UVRAG: variants seen among roughly 807,000 people sequenced by gnomAD.
UVRAG encodes UV radiation resistance associated.
Under a neutral mutation model 78.0 loss-of-function variants are expected in UVRAG, and 19 were observed. That is an observed-to-expected ratio of 0.24 (90% confidence interval 0.17 to 0.36). The LOEUF is 0.36. UVRAG is among the 10% of genes least tolerant of loss of function. The pLI is 1.00. For synonymous variants in UVRAG, 323 were observed against 324.6 expected (o/e 1.00, Z 0.05); for missense variants, 740 against 853.8 (o/e 0.87, Z 1.66).
At chr11:76,013,527 C>T (rs1174604570) in intron 11 of UVRAG, among the ~76,000 whole-genome samples, 1 of 152,112 alleles carries the variant, frequency 6.6e-6, no homozygotes, top group Non-Finnish European at 1.5e-5. Context: ...GTGTTAGGGA[C>T]GTCATTAATG....
Position 76,116,156 on chromosome 11 carries a change from C to CA in UVRAG, c.1397+142dup, listed in dbSNP as rs1470907455. ...ATGGGAGGAAAATGAAAGGCGCCATCACAGTTGGGGAGATCTAAGCTCCCG... is the reference window on the plus strand; with the variant it reads ...ATGGGAGGAAAATGAAAGGCGCCATCAACAGTTGGGGAGATCTAAGCTCCCG... On this transcript the variant is annotated intron_variant, in intron 14 of 14. Transcript: ENST00000356136. 3 of 818,578 alleles carry CA rather than the reference C, an allele frequency of 3.7e-6. No homozygotes were observed. The East Asian group carries it at 8.2e-5, about 22-fold the overall frequency. The allele number at this position is 818,578 out of a possible 1,614,324, so 50.7% of individuals were successfully genotyped here.
At chr11:75,892,354 T>C (rs1011937080) in intron 5 of UVRAG, 1 of 985,162 alleles carries the variant, frequency 1.0e-6, no homozygotes, top group Non-Finnish European at 1.2e-6. Context: ...AGAAATGGAG[T>C]GGGGCATTTG....
At chr11:75,906,401 C>A (rs1947615738) in intron 5 of UVRAG, among the ~76,000 whole-genome samples, 1 of 151,992 alleles carries the variant, frequency 6.6e-6, no homozygotes, top group Admixed American at 6.6e-5. Flanking sequence ...GGCTGGAGTG[C>A]AGTGGCGTGA....
intron 6 of UVRAG, among the ~76,000 whole-genome samples, chr11:75,927,336 T>C (rs1271185907): frequency 6.6e-6 from 1 of 152,164 alleles, no homozygotes; most frequent in East Asian, 1.9e-4. Flanking sequence ...CCCAAAGTGC[T>C]GGGATTACAG....
At chr11:75,832,285 G>C (rs557381821) in intron 1 of UVRAG, among the ~76,000 whole-genome samples, 33 of 152,270 alleles carry the variant, frequency 2.2e-4, no homozygotes, top group Middle Eastern at 3.4e-3. Flanking sequence ...GTCCCACAAG[G>C]CTGCTCCCAC....
chr11:76,117,655 T>C (rs1213091330), intron 14 of UVRAG, among the ~76,000 whole-genome samples: 2 of 152,042 alleles, frequency 1.3e-5, no homozygotes, highest in African/African-American at 2.4e-5. Flanking sequence ...ATCCTCATAA[T>C]CACAATGTAA....
intron 6 of UVRAG, among the ~76,000 whole-genome samples, chr11:75,949,401 C>A (rs977466001): frequency 6.6e-6 from 1 of 152,030 alleles, no homozygotes; most frequent in East Asian, 1.9e-4. Flanking sequence ...TGATCTCATT[C>A]ACTTTCATAG....
chr11:75,871,156 G>A (rs1484856910), intron 3 of UVRAG, among the ~76,000 whole-genome samples: 3 of 152,032 alleles, frequency 2.0e-5, no homozygotes, highest in East Asian at 3.9e-4. Context: ...TTACAAGCAT[G>A]CGCCCCTGCG....
chr11:76,010,286 G>A (rs1308920131), intron 11 of UVRAG, among the ~76,000 whole-genome samples: 4 of 152,170 alleles, frequency 2.6e-5, no homozygotes, highest in Non-Finnish European at 5.9e-5. Flanking sequence ...GGCACATGAT[G>A]CAGAAAGTAA....
Position 76,099,331 on chromosome 11 carries a change from C to G in UVRAG, c.1306-16593C>G, listed in dbSNP as rs112274124. Among the ~76,000 whole-genome samples, 302 of 152,114 alleles carry G rather than the reference C, an allele frequency of 2.0e-3. 1 individual carries two copies. The highest frequency in any genetic ancestry group is 7.0e-3 in the African/African-American group (290 of 41,508). On this transcript the variant is annotated intron_variant, in intron 13 of 14. Coordinates refer to ENST00000356136, the MANE Select transcript of UVRAG (RefSeq NM_003369.4). The stretch of plus-strand genomic sequence containing the variant: ...GAGCAAATTATTTTCTTGTTCTGTG[C>G]CTCCATTTTTTCATCTGTAATACGA...
intron 14 of UVRAG, among the ~76,000 whole-genome samples, chr11:76,124,789 T>C (rs1375725368): frequency 6.6e-6 from 1 of 152,226 alleles, no homozygotes; most frequent in African/African-American, 2.4e-5. Context: ...GAAAATAGAA[T>C]CAAGCTATAG....
At chr11:76,027,455 C>G (rs988788186) in intron 12 of UVRAG, among the ~76,000 whole-genome samples, 4 of 151,910 alleles carry the variant, frequency 2.6e-5, no homozygotes, top group African/African-American at 9.7e-5. Context: ...TTCTCTCTTG[C>G]CTCCAATTTA....
intron 6 of UVRAG, among the ~76,000 whole-genome samples, chr11:75,914,859 A>G (rs539848791): frequency 1.3e-5 from 2 of 152,236 alleles, no homozygotes; most frequent in African/African-American, 4.8e-5. Context: ...GGCCACTAGG[A>G]TACATCTGTT....
At chr11:75,838,539 T>C (rs922989910) in intron 1 of UVRAG, among the ~76,000 whole-genome samples, 1 of 151,934 alleles carries the variant, frequency 6.6e-6, no homozygotes, top group African/African-American at 2.4e-5. Flanking sequence ...TCTCTCTATA[T>C]ATAGAGTCTT....
intron 12 of UVRAG, among the ~76,000 whole-genome samples, chr11:76,052,958 A>G (rs1459306965): frequency 6.7e-6 from 1 of 149,186 alleles, no homozygotes; most frequent in Non-Finnish European, 1.5e-5. Flanking sequence ...TCTATATACT[A>G]TAGAGTATAT....
chr11:75,815,239 G>GGCAACGGCGGCAGCGGCGGCA lies in UVRAG; in HGVS notation c.-166_-146dup. ...ATATGGCTCTTCCTTAGCCAGCGGC[G>GGCAACGGCGGCAGCGGCGGCA]GCAACGGCGGCAGCGGCGGCAGCGG... On this transcript the variant is annotated 5_prime_UTR_variant, in exon 1 of 15. Transcript: ENST00000356136. 1 of 450,284 alleles carries GGCAACGGCGGCAGCGGCGGCA rather than the reference G, an allele frequency of 2.2e-6. No homozygotes were observed. Among genetic ancestry groups the GGCAACGGCGGCAGCGGCGGCA allele is most frequent in the Non-Finnish European group, 3.9e-6 (1 of 259,472 alleles). The allele number at this position is 450,284 out of a possible 1,614,324, so 27.9% of individuals were successfully genotyped here. A position where few individuals can be genotyped will look rare whatever the true frequency, so the allele number is the denominator to read the frequency against.
chr11:75,877,635 G>A (rs1307213197), intron 3 of UVRAG, among the ~76,000 whole-genome samples: 6 of 140,064 alleles, frequency 4.3e-5, no homozygotes, highest in African/African-American at 1.3e-4. Flanking sequence ...CCTCCCGGAC[G>A]GAGCGGCTGG....
intron 7 of UVRAG, among the ~76,000 whole-genome samples, chr11:75,977,486 T>C (rs1949269227): frequency 6.6e-6 from 1 of 152,138 alleles, no homozygotes; most frequent in African/African-American, 2.4e-5. Flanking sequence ...AAGTCTCCCA[T>C]TATTATTGTG....
chr11:75,927,702 TAGAC>T (rs753340426), intron 6 of UVRAG, among the ~76,000 whole-genome samples: 3 of 152,032 alleles, frequency 2.0e-5, no homozygotes, highest in Non-Finnish European at 4.4e-5. Context: ...TGAAAAAAAT[TAGAC>T]AGCAAAGTTG....
Sources: allele counts gnomAD v4.1 joint callset (sites outside exome capture counted in the v4.1 genomes callset), GRCh38; gene constraint gnomAD v4.1.1; transcripts MANE v1.5; gene names NCBI Gene and HGNC (gene_info 2026-07-23, HGNC 2026-07-21).